PPP2R3A: variants seen among roughly 807,000 people sequenced by gnomAD.
The protein encoded by PPP2R3A is serine/threonine-protein phosphatase 2A regulatory subunit B'' subunit alpha.
In PPP2R3A, 80 loss-of-function variants were observed where a neutral mutation model predicts 106.9. The ratio of observed to expected loss-of-function variants is 0.75; its 90% CI spans 0.62 to 0.90. PPP2R3A has a LOEUF of 0.90. PPP2R3A is among the 40% of genes least tolerant of loss of function. The pLI is 0.00. For missense variants in PPP2R3A, 1,386 were observed against 1,350.4 expected, an observed-to-expected ratio of 1.03 and a Z score of -0.41; for synonymous variants, 483 against 468.3, an observed-to-expected ratio of 1.03 and a Z score of -0.41.
At chr3:136,058,456 G>T (rs1043770785) in intron 5 of PPP2R3A, among the ~76,000 whole-genome samples, 7 of 152,098 alleles carry the variant, frequency 4.6e-5, no homozygotes, top group Admixed American at 3.9e-4. Context: ...TAGCTAACTA[G>T]GGAGGTGAAA....
chr3:136,026,738 C>T, intron 2 of PPP2R3A, 94 bp from the exon 3 acceptor site: 1 of 1,204,018 alleles, frequency 8.3e-7, no homozygotes, highest in South Asian at 1.5e-5. Context: ...TCTCTCCTGT[C>T]TCTGATTGTG....
intron 1 of PPP2R3A, among the ~76,000 whole-genome samples, chr3:135,985,453 A>T (rs1415075448): frequency 6.7e-6 from 1 of 148,478 alleles, no homozygotes; most frequent in African/African-American, 2.5e-5. Flanking sequence ...ACACACACAT[A>T]CTCTTCCCTA....
intron 5 of PPP2R3A, among the ~76,000 whole-genome samples, chr3:136,054,807 A>G (rs1320949827): frequency 6.6e-6 from 1 of 152,174 alleles, no homozygotes; most frequent in Non-Finnish European, 1.5e-5. Context: ...CCCTGATGCC[A>G]TTGGTCAGAA....
intron 12 of PPP2R3A, 93 bp from the exon 13 acceptor site, chr3:136,106,123 T>C: frequency 9.7e-7 from 1 of 1,036,152 alleles, no homozygotes; most frequent in Non-Finnish European, 1.4e-6. Context: ...TCAGGTAGGA[T>C]TTTTTCAGCA....
Position 136,103,341 on chromosome 3 carries a change from G to A in PPP2R3A, c.3187G>A (p.Asp1063Asn), listed in dbSNP as rs765223446. 2 of 1,608,266 alleles carry A rather than the reference G, an allele frequency of 1.2e-6. No homozygotes were observed. Among genetic ancestry groups the A allele is most frequent in the Non-Finnish European group, 1.7e-6 (2 of 1,175,168 alleles). Residue 1063 changes from aspartate (D) to asparagine (N), a missense_variant, in exon 12 of 14, where the codon GAC becomes AAC. Transcript: ENST00000264977. ...DTFFNLEKYL[D>N]HEQRDPFAVQ... Reference sequence around the variant, plus strand: ...TTTCTTTAATCTGGAGAAATACTTAGACCATGAACAGAGAGATCCCTTTGC... The same window carrying A: ...TTTCTTTAATCTGGAGAAATACTTAAACCATGAACAGAGAGATCCCTTTGC...
intron 1 of PPP2R3A, among the ~76,000 whole-genome samples, chr3:135,985,074 TGA>T (rs1245134941): frequency 6.6e-6 from 1 of 152,156 alleles, no homozygotes; most frequent in African/African-American, 2.4e-5. Context: ...AGCTACAATA[TGA>T]GATTTGGGTG....
At chr3:136,097,603 A>G (rs1028356117) in intron 10 of PPP2R3A, among the ~76,000 whole-genome samples, 7 of 152,208 alleles carry the variant, frequency 4.6e-5, no homozygotes, top group South Asian at 2.1e-4. Context: ...TGAAAATGCA[A>G]GTAATTAAAT....
At chr3:136,090,105 T>C (rs1266288821) in intron 9 of PPP2R3A, among the ~76,000 whole-genome samples, 1 of 152,170 alleles carries the variant, frequency 6.6e-6, no homozygotes, top group Non-Finnish European at 1.5e-5. Context: ...TTTCTCTTGC[T>C]TGATTGCTCT....
intron 5 of PPP2R3A, among the ~76,000 whole-genome samples, chr3:136,052,290 G>T (rs182038830): frequency 4.8e-4 from 73 of 152,254 alleles, no homozygotes; most frequent in Admixed American, 8.5e-4. Context: ...GGGAAGCATT[G>T]CCAGTAAATG....
At chr3:136,099,863 A>G (rs1349781174) in intron 10 of PPP2R3A, among the ~76,000 whole-genome samples, 1 of 151,826 alleles carries the variant, frequency 6.6e-6, no homozygotes, top group East Asian at 1.9e-4. Flanking sequence ...AAAAGGCCAC[A>G]TGCGGCTAGT....
At chr3:136,127,539 G>A (rs979271467) in intron 13 of PPP2R3A, among the ~76,000 whole-genome samples, 3 of 152,142 alleles carry the variant, frequency 2.0e-5, no homozygotes, top group Non-Finnish European at 2.9e-5. Flanking sequence ...ACATCTGATT[G>A]GTGTACCTGA....
intron 13 of PPP2R3A, among the ~76,000 whole-genome samples, chr3:136,142,159 C>T (rs986782688): frequency 3.9e-5 from 6 of 152,100 alleles, no homozygotes; most frequent in Non-Finnish European, 8.8e-5. Context: ...AAGTACAAAA[C>T]GAGAAGAGCT....
intron 5 of PPP2R3A, among the ~76,000 whole-genome samples, chr3:136,059,300 CAT>C (rs1259213927): frequency 1.3e-5 from 2 of 150,758 alleles, no homozygotes; most frequent in Non-Finnish European, 3.0e-5. Flanking sequence ...GAAAAAAAAA[CAT>C]AAAAAAGTGA....
At chr3:135,994,327 C>T (rs1004839585) in intron 1 of PPP2R3A, among the ~76,000 whole-genome samples, 2 of 152,090 alleles carry the variant, frequency 1.3e-5, no homozygotes, top group Non-Finnish European at 2.9e-5. Flanking sequence ...TGTCTGATGC[C>T]CCTGATGTTG....
intron 2 of PPP2R3A, among the ~76,000 whole-genome samples, chr3:136,006,950 C>T (rs1933866618): frequency 6.6e-6 from 1 of 152,190 alleles, no homozygotes; most frequent in Non-Finnish European, 1.5e-5. Flanking sequence ...TTAGTAGAAT[C>T]CACACCAATA....
chr3:136,030,932 C>T (rs927130461), intron 3 of PPP2R3A, among the ~76,000 whole-genome samples: 2 of 151,872 alleles, frequency 1.3e-5, no homozygotes, highest in Admixed American at 1.3e-4. Flanking sequence ...TATAAACATG[C>T]ATGTACAAGT....
chr3:136,118,674 T>C (rs1356190679), intron 13 of PPP2R3A, among the ~76,000 whole-genome samples: 1 of 152,162 alleles, frequency 6.6e-6, no homozygotes, highest in Non-Finnish European at 1.5e-5. Flanking sequence ...TTACAAGGGA[T>C]GTGAAGGACC....
intron 4 of PPP2R3A, among the ~76,000 whole-genome samples, chr3:136,046,160 G>A (rs1935463867): frequency 6.6e-6 from 1 of 151,780 alleles, no homozygotes; most frequent in African/African-American, 2.4e-5. Flanking sequence ...CTTGGTGACA[G>A]AGCCAGGCTT....
intron 2 of PPP2R3A, among the ~76,000 whole-genome samples, chr3:136,004,663 G>A (rs2107793361): frequency 6.6e-6 from 1 of 152,226 alleles, no homozygotes; most frequent in African/African-American, 2.4e-5. Flanking sequence ...ATCATTTTGA[G>A]ATACATACAT....
Sources: gnomAD v4.1 joint callset for allele counts (sites outside exome capture counted in the v4.1 genomes callset) on GRCh38, gnomAD v4.1.1 for gene constraint, MANE v1.5 for transcripts, NCBI Gene and HGNC (gene_info 2026-07-23, HGNC 2026-07-21) for gene names.